FOXN4: variants seen among roughly 807,000 people sequenced by gnomAD.
The protein encoded by FOXN4 is forkhead box protein N4.
A neutral mutation model predicts 45.0 loss-of-function variants in FOXN4; 12 were observed. The ratio of observed to expected loss-of-function variants is 0.27; its 90% confidence interval spans 0.17 to 0.43. The LOEUF (loss-of-function observed/expected upper bound fraction) is 0.43. Ranked by LOEUF, FOXN4 falls within the 20% of genes least tolerant of loss-of-function variation. FOXN4 has a pLI of 1.00. For synonymous variants in FOXN4, 297 were observed against 295.0 expected, an observed-to-expected ratio of 1.01 and a Z score of -0.07; for missense variants, 560 against 694.9, an observed-to-expected ratio of 0.81 and a Z score of 2.18.
intron 8 of FOXN4, among the ~76,000 whole-genome samples, chr12:109,283,072 C>T (rs1162124217): frequency 6.6e-6 from 1 of 152,208 alleles, no homozygotes; most frequent in East Asian, 1.9e-4. Flanking sequence ...CATGGTGATA[C>T]CCAACAGACT....
rs2047938401 is a variant in FOXN4 at position 109,308,223 on chromosome 12, T to C, written c.86+13A>G. The stretch of plus-strand genomic sequence containing the variant: ...TTAAAAAATATATAGTTTGTTATTG[T>C]TGGAGCCCTCACCTGTATTCCTGTG... On this transcript the variant is annotated intron_variant, in intron 2 of 9. Coordinates refer to ENST00000299162, the MANE Select transcript of FOXN4 (RefSeq NM_213596.3). The C allele has an allele frequency of 6.5e-7, 1 of 1,539,516 alleles. No homozygotes were observed. Among genetic ancestry groups the C allele is most frequent in the Non-Finnish European group, 8.8e-7 (1 of 1,139,540 alleles).
At chr12:109,292,873 C>T (rs574756289) in intron 2 of FOXN4, among the ~76,000 whole-genome samples, 8 of 152,076 alleles carry the variant, frequency 5.3e-5, no homozygotes, top group Non-Finnish European at 8.8e-5. Context: ...GAGGATTACA[C>T]GAAGTCACGT....
chr12:109,289,276 T>C (rs1331414706), intron 3 of FOXN4, among the ~76,000 whole-genome samples: 2 of 152,210 alleles, frequency 1.3e-5, no homozygotes, highest in Non-Finnish European at 2.9e-5. Flanking sequence ...TAAAGTTTTA[T>C]TGGCACAGAG....
At chr12:109,280,115 G>A (rs1349035412) in intron 9 of FOXN4, among the ~76,000 whole-genome samples, 185 bp from the exon 10 acceptor site, 1 of 152,140 alleles carries the variant, frequency 6.6e-6, no homozygotes, top group Non-Finnish European at 1.5e-5. Flanking sequence ...GGCCGAGGTG[G>A]GTGGATCACT....
rs1313391852 is a variant in FOXN4, at chr12:109,291,011, G to A, written c.87-725C>T. 5.3e-5 allele frequency among the ~76,000 whole-genome samples: 8 copies of A among 152,100 alleles called. 1 individual carries two copies. The highest frequency in any genetic ancestry group is 9.7e-5 in the African/African-American group (4 of 41,418). On this transcript the variant is annotated intron_variant, in intron 2 of 9. Transcript: ENST00000299162. This position sits in a 1 kb window ranked among gnomAD's most constrained non-coding sequence, Gnocchi z 6.6. ...GAGCACCGAGTCACCTGCCCAAGGC[G>A]ACACAGAACAGGAGGTGGTGGGGCT...
At chr12:109,297,081 G>C (rs140118612) in intron 2 of FOXN4, among the ~76,000 whole-genome samples, 2,046 of 152,316 alleles carry the variant, frequency 0.013, 17 homozygotes, top group Middle Eastern at 0.034. Flanking sequence ...GACTGGGTTG[G>C]CCACAACAAC....
At chr12:109,284,097 A>G (rs1016447562) in intron 8 of FOXN4, among the ~76,000 whole-genome samples, 2 of 152,232 alleles carry the variant, frequency 1.3e-5, no homozygotes, top group African/African-American at 2.4e-5. Context: ...GAAGCTCTCT[A>G]TTGTTCCACA....
rs1333012051 is a variant in FOXN4, at chr12:109,309,236, T to C, written c.-121A>G. On this transcript the variant is annotated 5_prime_UTR_variant, in exon 1 of 10. Coordinates refer to ENST00000299162, the MANE Select transcript of FOXN4 (RefSeq NM_213596.3). The surrounding 1 kb of genome is among the most constrained non-coding windows in gnomAD (Gnocchi z 5.0). ...TCCGCAATTTGGCCGCCGTCGCAGCTCGAACCGTTTTTAAATTTCCCTCTC... is the reference window on the plus strand; with the variant it reads ...TCCGCAATTTGGCCGCCGTCGCAGCCCGAACCGTTTTTAAATTTCCCTCTC... 6.6e-6 allele frequency: 1 copy of C among 152,234 alleles called. No homozygotes were observed. Among genetic ancestry groups the C allele is most frequent in the African/African-American group, 2.4e-5 (1 of 41,442 alleles). 9.4% of individuals were successfully genotyped at this position (152,234 alleles called of 1,614,324 possible).
At chr12:109,301,276 C>G (rs762353360) in intron 2 of FOXN4, among the ~76,000 whole-genome samples, 20 of 152,198 alleles carry the variant, frequency 1.3e-4, no homozygotes, top group Non-Finnish European at 2.6e-4. Flanking sequence ...GAGCCTGACT[C>G]TCAGTTCGGG....
chr12:109,283,448 T>C (rs531738546), intron 8 of FOXN4, among the ~76,000 whole-genome samples: 83 of 151,624 alleles, frequency 5.5e-4, no homozygotes, highest in Non-Finnish European at 8.8e-4. Flanking sequence ...GATTATAACC[T>C]GCCCCTTTTC....
chr12:109,280,290 C>T (rs1026278635), intron 9 of FOXN4, among the ~76,000 whole-genome samples: 2 of 136,514 alleles, frequency 1.5e-5, no homozygotes, highest in African/African-American at 2.8e-5. Flanking sequence ...CTGCAGTGAG[C>T]AGAGATTGTG....
chr12:109,308,711 AG>A (rs1333644153), intron 1 of FOXN4, among the ~76,000 whole-genome samples: 2 of 152,134 alleles, frequency 1.3e-5, no homozygotes, highest in African/African-American at 2.4e-5. Context: ...TTTCAAAATA[AG>A]GGGCAGCTGG....
chr12:109,284,690 C>T (rs2047686931), intron 8 of FOXN4, among the ~76,000 whole-genome samples: 1 of 149,888 alleles, frequency 6.7e-6, no homozygotes, highest in African/African-American at 2.5e-5. Context: ...GTGTGTGCAT[C>T]CAGGCCTCAC....
chr12:109,287,766 G>A lies in FOXN4; in HGVS notation c.468+78C>T, dbSNP rs756993076. 10 of 1,334,372 alleles carry A rather than the reference G, an allele frequency of 7.5e-6. No individual in the cohort carries two copies. The highest frequency in any genetic ancestry group is 1.0e-5 in the Non-Finnish European group (10 of 993,986). 82.7% of individuals were successfully genotyped at this position (1,334,372 alleles called of 1,614,324 possible). On this transcript the variant is annotated intron_variant, in intron 5 of 9. Transcript: ENST00000299162. This position sits in a 1 kb window ranked among gnomAD's most constrained non-coding sequence, Gnocchi z 4.1. ...TCCCCATGTGCTGGGTGAGTAAACT[G>A]AGGCTCAGAGGGGTCCCCGGCCAGC... is the stretch of plus-strand genomic sequence containing the variant.
Position 109,279,847 on chromosome 12 carries a change from G to C in FOXN4, c.1378C>G (p.Leu460Val). ...GCAGGGGTTAGGCCTGAGGCCCCCA[G>C]GTCACAGCCAAGCGGGGAGTCTGCA... ...AFADSPLGCD[L>V]GASGLTPASG... The change falls in exon 10 of 10, where the codon CTG becomes GTG. Residue 460 changes from leucine (L) to valine (V), a missense_variant. By Grantham distance (32) the Leu-to-Val change is conservative. Around this residue, in one of 5 missense-constraint regions of FOXN4, gnomAD observed 315 missense variants for 350.5 expected, o/e 0.90. Transcript: ENST00000299162. 1.9e-6 allele frequency: 3 copies of C among 1,613,926 alleles called. No homozygotes were observed. The African/African-American group carries it at 4.0e-5, about 22-fold the overall frequency.
At chr12:109,286,770 AGGG>A in intron 6 of FOXN4, 26 bp from the exon 7 acceptor site, 1 of 1,571,070 alleles carries the variant, frequency 6.4e-7, no homozygotes, top group Non-Finnish European at 8.5e-7. Flanking sequence ...GGGGCAGGGC[AGGG>A]CAGGGCAGGA....
intron 8 of FOXN4, among the ~76,000 whole-genome samples, chr12:109,284,744 C>T (rs1425590327): frequency 6.6e-6 from 1 of 151,028 alleles, no homozygotes; most frequent in Non-Finnish European, 1.5e-5. Context: ...GGTCCTTCCT[C>T]TTCTGTGTGT....
intron 2 of FOXN4, among the ~76,000 whole-genome samples, chr12:109,307,514 C>T (rs1198789793): frequency 1.3e-5 from 2 of 152,042 alleles, no homozygotes; most frequent in Admixed American, 6.6e-5. Flanking sequence ...CTCAGTTTCC[C>T]CAACTGTAAA....
In FOXN4 at chr12:109,281,578, A is replaced by C; in HGVS notation, c.1123T>G (p.Ser375Ala). 1 of 1,606,360 alleles carries C rather than the reference A, an allele frequency of 6.2e-7. No individual in the cohort carries two copies. Among genetic ancestry groups the C allele is most frequent in the Non-Finnish European group, 8.5e-7 (1 of 1,176,422 alleles). Residue 375 changes from serine to alanine, a missense_variant, in exon 9 of 10, where the codon TCT (serine) becomes GCT (alanine). Around this residue, in one of 5 missense-constraint regions of FOXN4, gnomAD observed 315 missense variants for 350.5 expected, o/e 0.90. Coordinates refer to ENST00000299162, the MANE Select transcript of FOXN4 (RefSeq NM_213596.3). Reference protein sequence around the residue: ...VQPQAHLAPDSPAPAQTPPLH... With the variant: ...VQPQAHLAPDAPAPAQTPPLH... Reference sequence around the variant, plus strand: ...GGCGGGGTCTGGGCTGGTGCTGGAGAGTCTGGAGCAAGATGTGCCTGGGGC... The same window carrying C: ...GGCGGGGTCTGGGCTGGTGCTGGAGCGTCTGGAGCAAGATGTGCCTGGGGC...
Sources: gnomAD v4.1 joint callset for allele counts (sites outside exome capture counted in the v4.1 genomes callset) on GRCh38, gnomAD v4.1.1 for gene constraint, gnomAD v4.1.1 regional missense constraint, Gnocchi (gnomAD v3.1) non-coding constraint, MANE v1.5 for transcripts, NCBI Gene and HGNC (gene_info 2026-07-23, HGNC 2026-07-21) for gene names.